OR5D3: variants seen among roughly 807,000 people sequenced by gnomAD.
OR5D3 encodes olfactory receptor family 5 subfamily D member 3.
At chr11:55,728,347 C>G in the OR5D3 span, 1 of 152,058 alleles carries the variant, frequency 6.6e-6, no homozygotes, top group Non-Finnish European at 1.5e-5. Context: ...GTGATGGGTA[C>G]AGGGAGAAAT....
chr11:55,729,253 A>T, the OR5D3 span: 2 of 152,014 alleles, frequency 1.3e-5, no homozygotes, highest in Non-Finnish European at 2.9e-5. Context: ...TACATTTTAG[A>T]TAATGTAAGT....
At chr11:55,729,592 A>G in the OR5D3 span, 2 of 152,094 alleles carry the variant, frequency 1.3e-5, no homozygotes, top group Non-Finnish European at 2.9e-5. Flanking sequence ...TTACGTGATT[A>G]TATTACATAA....
the OR5D3 span, chr11:55,729,325 T>C: frequency 6.6e-6 from 1 of 152,032 alleles, no homozygotes; most frequent in Non-Finnish European, 1.5e-5. Flanking sequence ...CAAATACATT[T>C]GTATGCTGCT....
the OR5D3 span, chr11:55,726,866 A>G: frequency 2.5e-6 from 1 of 398,956 alleles, no homozygotes; most frequent in Admixed American, 4.4e-5. Flanking sequence ...CTCACTTCCT[A>G]TGCTTTCATT....
chr11:55,725,705 A>T, the OR5D3 span, among the ~76,000 whole-genome samples: 1 of 152,056 alleles, frequency 6.6e-6, no homozygotes, highest in African/African-American at 2.4e-5. Flanking sequence ...GTATTGGATT[A>T]TAAGGAATGA....
the OR5D3 span, chr11:55,729,096 T>C: frequency 6.6e-6 from 1 of 152,002 alleles, no homozygotes; most frequent in East Asian, 1.9e-4. Context: ...AAAAAAAGAA[T>C]AGTTGCTAAT....
chr11:55,724,040 T>G, the OR5D3 span: 1 of 397,856 alleles, frequency 2.5e-6, no homozygotes, highest in Non-Finnish European at 4.4e-6. Flanking sequence ...ATCACTCAGA[T>G]GCCTCTGTAT....
chr11:55,724,161 C>A, the OR5D3 span: 1 of 387,770 alleles, frequency 2.6e-6, no homozygotes. Flanking sequence ...GCCCTCAAAT[C>A]CACTTAGTTC....
chr11:55,726,462 G>T, the OR5D3 span: 1 of 462,196 alleles, frequency 2.2e-6, no homozygotes, highest in Non-Finnish European at 3.9e-6. Flanking sequence ...AACTGCTGGA[G>T]AACTTGGTTG....
the OR5D3 span, chr11:55,729,287 G>C: frequency 4.6e-5 from 7 of 151,022 alleles, no homozygotes; most frequent in Non-Finnish European, 7.4e-5. Flanking sequence ...GTCATATTAA[G>C]TGATAGCTAT....
At chr11:55,724,109 C>T in the OR5D3 span, 17 of 396,040 alleles carry the variant, frequency 4.3e-5, no homozygotes, top group Admixed American at 8.9e-5. Context: ...TACTGAGTTC[C>T]GGTAATCTTA....
At chr11:55,724,330 TA>T in the OR5D3 span, among the ~76,000 whole-genome samples, 1 of 152,036 alleles carries the variant, frequency 6.6e-6, no homozygotes, top group Non-Finnish European at 1.5e-5. Flanking sequence ...GCCTTATCTT[TA>T]AACTTTCTAT....
chr11:55,725,189 A>G, the OR5D3 span, among the ~76,000 whole-genome samples: 1 of 152,074 alleles, frequency 6.6e-6, no homozygotes, highest in African/African-American at 2.4e-5. Flanking sequence ...ACTGTGTTTT[A>G]TAACCACTAC....
chr11:55,725,071 T>C, the OR5D3 span, among the ~76,000 whole-genome samples: 2 of 152,104 alleles, frequency 1.3e-5, no homozygotes, highest in South Asian at 2.1e-4. Context: ...CACATGTTGA[T>C]AGCTGTCCCA....
the OR5D3 span, among the ~76,000 whole-genome samples, chr11:55,725,963 G>A: frequency 6.8e-3 from 1,030 of 151,808 alleles, 17 homozygotes; most frequent in African/African-American, 0.024. Flanking sequence ...AATATAGGAA[G>A]GTATACCCTG....
chr11:55,723,971 G>A, the OR5D3 span: 3 of 397,800 alleles, frequency 7.5e-6, no homozygotes, highest in Non-Finnish European at 1.3e-5. Flanking sequence ...TTAATTAAGT[G>A]CTAAGCGGGA....
At chr11:55,723,881 T>C in the OR5D3 span, 1 of 379,122 alleles carries the variant, frequency 2.6e-6, no homozygotes, top group Middle Eastern at 6.7e-4. Flanking sequence ...TCTTAATAGG[T>C]TGGGTAAAAA....
At chr11:55,726,514 T>G in the OR5D3 span, 3 of 430,268 alleles carry the variant, frequency 7.0e-6, no homozygotes, top group Non-Finnish European at 1.3e-5. Context: ...CATCATGCAA[T>G]TCTTCTTTGC....
At chr11:55,726,901 T>A in the OR5D3 span, 1 of 399,270 alleles carries the variant, frequency 2.5e-6, no homozygotes, top group Non-Finnish European at 4.4e-6. Flanking sequence ...GAAGATGCCT[T>A]CCACTGGGGG....
Sources: gnomAD v4.1 joint callset for allele counts (sites outside exome capture counted in the v4.1 genomes callset) on GRCh38, gnomAD v4.1.1 for gene constraint, MANE v1.5 for transcripts, NCBI Gene and HGNC (gene_info 2026-07-23, HGNC 2026-07-21) for gene names.